The following C19orf44 variants were observed in gnomAD, a reference collection of about 807,000 sequenced individuals.
C19orf44 encodes chromosome 19 open reading frame 44, also known as uncharacterized protein C19orf44.
In C19orf44, 43 loss-of-function variants were observed where a neutral mutation model predicts 50.7. The observed-to-expected ratio is 0.85, with a 90% confidence interval of 0.66 to 1.09. The LOEUF is 1.09. C19orf44 is among the 50% of genes least tolerant of loss of function. The pLI, the probability that C19orf44 is intolerant of heterozygous loss-of-function variation, is 0.00. For missense variants in C19orf44, 722 were observed against 836.2 expected, an observed-to-expected ratio of 0.86 and a Z score of 1.68; for synonymous variants, 298 against 334.7, an observed-to-expected ratio of 0.89 and a Z score of 1.20.
rs545836628 is a variant in C19orf44, at chr19:16,519,510, G to C, written c.*41-584G>C. On this transcript the variant is annotated intron_variant, in intron 8 of 8. Transcript: ENST00000221671. This position sits in a 1 kb window ranked among gnomAD's most constrained non-coding sequence, Gnocchi z 6.0. ...AGAGGGTCTGGGTGGAGTCAGAACC[G>C]GCCTGACTCCATCCATCCCCACATG... 2.9e-5 allele frequency: 37 copies of C among 1,269,938 alleles called. No homozygotes were observed. The highest frequency in any genetic ancestry group is 4.0e-5 in the Non-Finnish European group (35 of 880,808). 78.7% of individuals were successfully genotyped at this position (1,269,938 alleles called of 1,614,324 possible).
chr19:16,517,864 C>G (rs552751304), intron 8 of C19orf44: 1 of 152,708 alleles, frequency 6.5e-6, no homozygotes, highest in Non-Finnish European at 1.5e-5. Context: ...CCCGTGCACA[C>G]TTCTGACTTA....
intron 7 of C19orf44, 99 bp downstream of exon 7, chr19:16,514,762 G>A (rs1157508609): frequency 2.0e-5 from 27 of 1,323,676 alleles, no homozygotes; most frequent in South Asian, 3.2e-5. Flanking sequence ...GGGCTCCAGC[G>A]CTCAGCCCAG....
At chr19:16,512,927 G>A (rs1030605759) in intron 5 of C19orf44, 87 bp from the exon 6 acceptor site, 10 of 1,042,836 alleles carry the variant, frequency 9.6e-6, no homozygotes, top group Middle Eastern at 2.2e-4. Context: ...ACAAGGTCAC[G>A]TAGTTTATTC....
At chr19:16,499,820 C>T (rs535233537) in intron 1 of C19orf44, among the ~76,000 whole-genome samples, 4 of 150,946 alleles carry the variant, frequency 2.6e-5, no homozygotes, top group South Asian at 2.1e-4. Context: ...GACAGAGTCT[C>T]GCTCTGTCGT....
intron 4 of C19orf44, 112 bp downstream of exon 4, chr19:16,506,886 G>T: frequency 1.4e-6 from 1 of 732,692 alleles, no homozygotes; most frequent in Non-Finnish European, 2.2e-6. Context: ...ATGTTGCCCA[G>T]GCCGTCCTCA....
intron 3 of C19orf44, 122 bp downstream of exon 3, chr19:16,503,502 C>T: frequency 1.0e-6 from 1 of 989,766 alleles, no homozygotes; most frequent in Non-Finnish European, 1.5e-6. Context: ...TCGCATCTCA[C>T]ACTCAGCTTT....
At chr19:16,517,371 ACACG>A in intron 8 of C19orf44, 30 bp downstream of exon 8, 3 of 1,435,972 alleles carry the variant, frequency 2.1e-6, no homozygotes, top group East Asian at 2.3e-5. Context: ...CAGTGCACAC[ACACG>A]CACACAAACA....
intron 7 of C19orf44, 137 bp downstream of exon 7, chr19:16,514,800 C>A: frequency 9.4e-7 from 1 of 1,062,024 alleles, no homozygotes; most frequent in Non-Finnish European, 1.3e-6. Context: ...GGGGCCATCA[C>A]CTGTCCCTGT....
chr19:16,504,875 A>G (rs2093436189), intron 3 of C19orf44, among the ~76,000 whole-genome samples: 1 of 148,754 alleles, frequency 6.7e-6, no homozygotes. Flanking sequence ...CTGGAGTGCA[A>G]TGGCGTGATC....
At chr19:16,516,775 C>T (rs2093473584) in intron 7 of C19orf44, among the ~76,000 whole-genome samples, 1 of 152,348 alleles carries the variant, frequency 6.6e-6, no homozygotes, top group South Asian at 2.1e-4. Context: ...GGTTTATCTG[C>T]TGAAGAGGGC....
At chr19:16,512,219 G>A (rs1327964597) in intron 5 of C19orf44, among the ~76,000 whole-genome samples, 1 of 151,946 alleles carries the variant, frequency 6.6e-6, no homozygotes, top group Non-Finnish European at 1.5e-5. Context: ...TGGGATCTGG[G>A]CTCAGAATTG....
At chr19:16,505,193 G>T (rs1028352888) in intron 3 of C19orf44, among the ~76,000 whole-genome samples, 1 of 150,786 alleles carries the variant, frequency 6.6e-6, no homozygotes. Flanking sequence ...ACAGGCATGA[G>T]CCACTGTGCC....
chr19:16,520,709 C>A lies in C19orf44; in HGVS notation c.*656C>A. 8.3e-7 allele frequency: 1 copy of A among 1,206,342 alleles called. No homozygotes were observed. Among genetic ancestry groups the A allele is most frequent in the South Asian group, 1.2e-5 (1 of 81,110 alleles). 74.7% of individuals were successfully genotyped at this position (1,206,342 alleles called of 1,614,324 possible). A position where few individuals can be genotyped will look rare whatever the true frequency, so the allele number is the denominator to read the frequency against. ...AATTCAGGCCTTGTGGAAAACACCG[C>A]CCCATAGGCACAGGCTGTGTGAGGG... On this transcript the variant is annotated 3_prime_UTR_variant, in exon 9 of 9. Coordinates refer to ENST00000221671, the MANE Select transcript of C19orf44 (RefSeq NM_032207.4). The surrounding 1 kb of genome is among the most constrained non-coding windows in gnomAD (Gnocchi z 4.0).
Position 16,519,988 on chromosome 19 carries a change from G to T in C19orf44, c.*41-106G>T. The T allele has an allele frequency of 1.3e-6, 1 of 790,468 alleles. No individual in the cohort carries two copies. Among genetic ancestry groups the T allele is most frequent in the Non-Finnish European group, 2.1e-6 (1 of 487,298 alleles). The allele number at this position is 790,468 out of a possible 1,614,324, so 49.0% of individuals were successfully genotyped here. ...GACCCCAGTTACTGCCTCAGGCTTC[G>T]CCAAGTGGCTACTGTGGTGAAGGGT... On this transcript the variant is annotated intron_variant, in intron 8 of 8. Transcript: ENST00000221671. This position sits in a 1 kb window ranked among gnomAD's most constrained non-coding sequence, Gnocchi z 6.0.
chr19:16,517,719 G>A (rs1325986242), intron 8 of C19orf44, among the ~76,000 whole-genome samples: 2 of 152,230 alleles, frequency 1.3e-5, no homozygotes, highest in Non-Finnish European at 2.9e-5. Flanking sequence ...GAGACAGGGT[G>A]GATGGGAGAA....
At position 16,520,676 on chromosome 19, in the gene C19orf44, G is replaced by T; in HGVS notation, c.*623G>T. 1 of 1,127,566 alleles carries T rather than the reference G, an allele frequency of 8.9e-7. No homozygotes were observed. Among genetic ancestry groups the T allele is most frequent in the Non-Finnish European group, 1.3e-6 (1 of 765,882 alleles). 69.8% of individuals were successfully genotyped at this position (1,127,566 alleles called of 1,614,324 possible). A position where few individuals can be genotyped will look rare whatever the true frequency, so the allele number is the denominator to read the frequency against. On this transcript the variant is annotated 3_prime_UTR_variant, in exon 9 of 9. Coordinates refer to ENST00000221671, the MANE Select transcript of C19orf44 (RefSeq NM_032207.4). This position sits in a 1 kb window ranked among gnomAD's most constrained non-coding sequence, Gnocchi z 4.0. Reference sequence around the variant, plus strand: ...CCTAAATAGTGTGGCCGAGCCTGCTGCTGTGTGAATTCAGGCCTTGTGGAA... The same window carrying T: ...CCTAAATAGTGTGGCCGAGCCTGCTTCTGTGTGAATTCAGGCCTTGTGGAA...
Position 16,520,525 on chromosome 19 carries a change from A to AT in C19orf44, c.*473dup. ...AGGGTCCGCTGTGGGGAGAGGCCTG[A>AT]TGATCAGGTGCCCCAGTGGATGGGC... On this transcript the variant is annotated 3_prime_UTR_variant, in exon 9 of 9. Transcript: ENST00000221671. This position sits in a 1 kb window ranked among gnomAD's most constrained non-coding sequence, Gnocchi z 4.0. 6.2e-7 allele frequency: 1 copy of AT among 1,604,744 alleles called. No individual in the cohort carries two copies. Among genetic ancestry groups the AT allele is most frequent in the Non-Finnish European group, 8.5e-7 (1 of 1,175,006 alleles).
Sources: gnomAD v4.1 joint callset for allele counts (sites outside exome capture counted in the v4.1 genomes callset) on GRCh38, gnomAD v4.1.1 for gene constraint, Gnocchi (gnomAD v3.1) non-coding constraint, MANE v1.5 for transcripts, NCBI Gene and HGNC (gene_info 2026-07-23, HGNC 2026-07-21) for gene names.